The following DMD variants were observed in gnomAD, a reference collection of about 807,000 sequenced individuals.
DMD encodes the protein dystrophin, also known as mutant dystrophin.
A neutral mutation model predicts 330.1 loss-of-function variants in DMD; 63 were observed. The observed-to-expected ratio is 0.19, with a 90% CI of 0.16 to 0.24. DMD has a LOEUF of 0.24. Ranked by LOEUF, DMD falls within the 10% of genes least tolerant of loss-of-function variation. DMD has a pLI of 1.00. For synonymous variants in DMD, 1,223 were observed against 959.8 expected, an observed-to-expected ratio of 1.27 and a Z score of -5.07; for missense variants, 3,344 against 2,684.1, an observed-to-expected ratio of 1.25 and a Z score of -5.43.
At chrX:31,300,244 A>G (rs752411075) in intron 62 of DMD, among the ~76,000 whole-genome samples, 1 of 112,391 alleles carries the variant, frequency 8.9e-6, no homozygotes, top group Non-Finnish European at 1.9e-5. Flanking sequence ...TTTGCTGGAT[A>G]TGGAAGGTGC....
At chrX:32,326,095 C>T (rs766420022) in intron 41 of DMD, among the ~76,000 whole-genome samples, 2 of 111,928 alleles carry the variant, frequency 1.8e-5, no homozygotes, top group Non-Finnish European at 3.8e-5. Flanking sequence ...TGGCCTGGCA[C>T]ATTAGACCAT....
intron 11 of DMD, among the ~76,000 whole-genome samples, chrX:32,630,090 G>A (rs747613161): frequency 9.0e-6 from 1 of 111,660 alleles, no homozygotes; most frequent in East Asian, 2.8e-4. Context: ...ATTGAAGAAC[G>A]CCCTTTACCA....
intron 18 of DMD, chrX:32,517,658 C>G (rs748861573): frequency 1.3e-5 from 4 of 308,001 alleles, no homozygotes; most frequent in African/African-American, 2.7e-5. Context: ...CTATTCTACT[C>G]TACACAATTG....
chrX:31,498,708 AT>A (rs2070108402), intron 56 of DMD, among the ~76,000 whole-genome samples: 1 of 111,970 alleles, frequency 8.9e-6, no homozygotes, highest in African/African-American at 3.2e-5. Context: ...AATTGTCAAG[AT>A]TTTCTTTCTA....
chrX:32,638,705 C>T (rs768826286), intron 11 of DMD, among the ~76,000 whole-genome samples: 5 of 111,770 alleles, frequency 4.5e-5, no homozygotes, highest in East Asian at 2.8e-4. Context: ...TTTACTGCAA[C>T]GAATTCAATT....
At chrX:32,298,083 G>A (rs1418577097) in intron 42 of DMD, among the ~76,000 whole-genome samples, 9 of 109,475 alleles carry the variant, frequency 8.2e-5, no homozygotes, top group Non-Finnish European at 1.7e-4. Flanking sequence ...TGAGGGGGAT[G>A]GGGAGCATTG....
intron 8 of DMD, among the ~76,000 whole-genome samples, chrX:32,698,294 C>A (rs539392733): frequency 2.7e-5 from 3 of 110,871 alleles, no homozygotes; most frequent in African/African-American, 9.8e-5. Flanking sequence ...CTCTTCAATC[C>A]GGCAAAAACA....
At chrX:33,224,484 C>G (rs192851005) in intron 1 of DMD, among the ~76,000 whole-genome samples, 1 of 111,765 alleles carries the variant, frequency 8.9e-6, no homozygotes, top group East Asian at 2.8e-4. Flanking sequence ...CTTCTATATA[C>G]TGTAGGATTC....
chrX:32,526,225 T>A lies in DMD; in HGVS notation c.2169-8094A>T, dbSNP rs189464678. On this transcript the variant is annotated intron_variant, in intron 17 of 78. Transcript: ENST00000357033. ...TAAAAAAATAACTTCTCATTCTCTGTTCACAAAATGATTATTTCTATAATT... is the reference window on the plus strand; with the variant it reads ...TAAAAAAATAACTTCTCATTCTCTGATCACAAAATGATTATTTCTATAATT... Among the ~76,000 whole-genome samples the A allele has an allele frequency of 1.5e-4, 17 of 112,250 alleles. No homozygotes were observed. The East Asian group carries it at 4.8e-3, about 31-fold the overall frequency.
intron 43 of DMD, among the ~76,000 whole-genome samples, chrX:32,268,462 C>T (rs1335313621): frequency 1.8e-5 from 2 of 111,584 alleles, no homozygotes; most frequent in Non-Finnish European, 3.8e-5. Context: ...TTTATGCCTT[C>T]CCAGACTTTC....
At chrX:31,721,568 T>C (rs1394239543) in intron 52 of DMD, among the ~76,000 whole-genome samples, 1 of 100,974 alleles carries the variant, frequency 9.9e-6, no homozygotes, top group Non-Finnish European at 2.0e-5. Context: ...CACAATCATA[T>C]GAGTTAATGG....
intron 55 of DMD, among the ~76,000 whole-genome samples, chrX:31,528,701 T>C (rs1314400277): frequency 8.9e-6 from 1 of 112,241 alleles, no homozygotes; most frequent in African/African-American, 3.2e-5. Context: ...GGTTCTAACA[T>C]CAGGAAGAAA....
chrX:31,708,162 A>C (rs924515796), intron 52 of DMD, among the ~76,000 whole-genome samples: 4 of 112,032 alleles, frequency 3.6e-5, no homozygotes, highest in Non-Finnish European at 7.5e-5. Context: ...ATTGCCTTTG[A>C]AACACCAGAG....
intron 9 of DMD, among the ~76,000 whole-genome samples, chrX:32,658,319 G>T (rs778587918): frequency 9.0e-6 from 1 of 111,003 alleles, no homozygotes; most frequent in African/African-American, 3.3e-5. Flanking sequence ...TATTCTTCCT[G>T]TTATTTGATC....
intron 43 of DMD, among the ~76,000 whole-genome samples, chrX:32,243,580 T>G (rs1257982859): frequency 8.9e-6 from 1 of 111,938 alleles, no homozygotes; most frequent in Non-Finnish European, 1.9e-5. Flanking sequence ...GTCATTCCAT[T>G]ATACAGGTAA....
intron 7 of DMD, among the ~76,000 whole-genome samples, chrX:32,752,950 T>G (rs1409626971): frequency 9.0e-6 from 1 of 111,130 alleles, no homozygotes. Flanking sequence ...GAATTGCAAG[T>G]CTATTAAACC....
chrX:32,627,015 G>C lies in DMD; in HGVS notation c.1332-12562C>G, dbSNP rs763767678. ...CACTGAGAGAACTTTTCAAAATGAC[G>C]TCCCAGCCCCATTCCCCAACAATTC... On this transcript the variant is annotated intron_variant, in intron 11 of 78. Coordinates refer to ENST00000357033, the MANE Select transcript of DMD (RefSeq NM_004006.3). 2.3e-4 allele frequency among the ~76,000 whole-genome samples: 24 copies of C among 104,251 alleles called. No homozygotes were observed. The South Asian group carries it at 8.5e-3, about 37-fold the overall frequency. 90.5% of individuals were successfully genotyped at this position (104,251 alleles called of 115,157 possible).
intron 44 of DMD, among the ~76,000 whole-genome samples, chrX:32,149,654 A>C (rs2096795045): frequency 9.0e-6 from 1 of 111,724 alleles, no homozygotes; most frequent in South Asian, 3.7e-4. Flanking sequence ...AAAGACAGGG[A>C]ATTTGGACCC....
At chrX:33,110,476 C>T (rs1005779) in intron 1 of DMD, among the ~76,000 whole-genome samples, 48,418 of 109,723 alleles carry the variant, frequency 0.44, 8,295 homozygotes, top group Non-Finnish European at 0.52. Context: ...ATAATTAATA[C>T]AAATTAAAAG....
Sources: gnomAD v4.1 joint callset for allele counts (sites outside exome capture counted in the v4.1 genomes callset) on GRCh38, gnomAD v4.1.1 for gene constraint, MANE v1.5 for transcripts, NCBI Gene and HGNC (gene_info 2026-07-23, HGNC 2026-07-21) for gene names.